Variants in PLCB1 observed in about 807,000 individuals in gnomAD.
The protein encoded by PLCB1 is phospholipase C beta 1, also known as 1-phosphatidylinositol 4,5-bisphosphate phosphodiesterase beta-1.
In PLCB1, 46 loss-of-function variants were observed where a neutral mutation model predicts 161.8. That is an observed-to-expected ratio of 0.28 (90% CI 0.22 to 0.36). The LOEUF (loss-of-function observed/expected upper bound fraction) is 0.36, where lower values mean the gene tolerates loss of function less well. PLCB1 is among the 10% of genes least tolerant of loss of function. The pLI is 1.00. For synonymous variants in PLCB1, 517 were observed against 503.7 expected, an observed-to-expected ratio of 1.03 and a Z score of -0.35; for missense variants, 1,016 against 1,472.5, an observed-to-expected ratio of 0.69 and a Z score of 5.07.
intron 3 of PLCB1, among the ~76,000 whole-genome samples, chr20:8,517,100 A>G (rs1984162776): frequency 6.6e-6 from 1 of 152,108 alleles, no homozygotes; most frequent in African/African-American, 2.4e-5. Flanking sequence ...TTCCACATAT[A>G]GAGATGACAT....
intron 3 of PLCB1, among the ~76,000 whole-genome samples, chr20:8,615,012 C>T (rs868502548): frequency 6.6e-6 from 1 of 152,040 alleles, no homozygotes; most frequent in Admixed American, 6.6e-5. Flanking sequence ...ATGATTCCAC[C>T]ATGTAGAAAT....
intron 3 of PLCB1, among the ~76,000 whole-genome samples, chr20:8,503,654 C>T (rs1292544787): frequency 6.6e-6 from 1 of 151,962 alleles, no homozygotes; most frequent in Non-Finnish European, 1.5e-5. Flanking sequence ...CAGTCTTCTA[C>T]AAATCTCTGA....
intron 31 of PLCB1, among the ~76,000 whole-genome samples, chr20:8,801,592 G>A (rs561302810): frequency 6.6e-6 from 1 of 152,326 alleles, no homozygotes; most frequent in African/African-American, 2.4e-5. Flanking sequence ...AATGCATGAT[G>A]TATGTAGAGG....
At chr20:8,825,967 TG>T (rs1024830379) in intron 31 of PLCB1, among the ~76,000 whole-genome samples, 8 of 152,154 alleles carry the variant, frequency 5.3e-5, no homozygotes, top group African/African-American at 1.9e-4. Flanking sequence ...GAGTGGATTT[TG>T]ACTCCCATTC....
intron 2 of PLCB1, among the ~76,000 whole-genome samples, chr20:8,263,465 C>T (rs572635312): frequency 7.2e-5 from 11 of 152,224 alleles, no homozygotes; most frequent in South Asian, 2.1e-4. Context: ...GAAATTTGAA[C>T]GCCTTCACTA....
intron 2 of PLCB1, among the ~76,000 whole-genome samples, chr20:8,323,916 C>A (rs1323606367): frequency 6.6e-6 from 1 of 151,158 alleles, no homozygotes; most frequent in East Asian, 1.9e-4. Context: ...TATAGTGATG[C>A]TTTTACTAAT....
Position 8,496,835 on chromosome 20 carries a change from T to C in PLCB1, c.246+125385T>C, listed in dbSNP as rs558696468. Among the ~76,000 whole-genome samples, 502 of 152,294 alleles carry C rather than the reference T, an allele frequency of 3.3e-3. 3 individuals are homozygous for C. Among genetic ancestry groups the C allele is most frequent in the Middle Eastern group, 0.01 (3 of 294 alleles). On this transcript the variant is annotated intron_variant, in intron 3 of 31. Coordinates refer to ENST00000338037, the MANE Select transcript of PLCB1 (RefSeq NM_015192.4). ...TGTATCTACTACCACACTCTCAAAC[T>C]CCTAATGATACTTTAAAATTAACCT...
intron 3 of PLCB1, among the ~76,000 whole-genome samples, chr20:8,610,271 A>C (rs183379553): frequency 2.0e-5 from 3 of 152,220 alleles, no homozygotes; most frequent in Non-Finnish European, 4.4e-5. Flanking sequence ...TTCACTTAGC[A>C]TAATGTTTTC....
chr20:8,333,820 T>C (rs1318269631), intron 2 of PLCB1, among the ~76,000 whole-genome samples: 2 of 152,226 alleles, frequency 1.3e-5, no homozygotes, highest in African/African-American at 2.4e-5. Context: ...TCTTACTTAC[T>C]GGATATATCA....
At chr20:8,475,744 T>C (rs998635546) in intron 3 of PLCB1, among the ~76,000 whole-genome samples, 3 of 152,198 alleles carry the variant, frequency 2.0e-5, no homozygotes, top group Admixed American at 2.0e-4. Context: ...GGAACAATGT[T>C]TGTATGAAGT....
At chr20:8,260,113 C>T (rs1360618796) in intron 2 of PLCB1, among the ~76,000 whole-genome samples, 1 of 149,540 alleles carries the variant, frequency 6.7e-6, no homozygotes, top group Non-Finnish European at 1.5e-5. Flanking sequence ...TTTTTTCAGA[C>T]AGTGTTGCCC....
At chr20:8,213,020 T>C (rs1291912669) in intron 2 of PLCB1, among the ~76,000 whole-genome samples, 4 of 152,122 alleles carry the variant, frequency 2.6e-5, no homozygotes, top group African/African-American at 7.2e-5. Flanking sequence ...GGCCACTTCA[T>C]TCAAGCCTCT....
At chr20:8,607,321 A>G (rs1190686748) in intron 3 of PLCB1, among the ~76,000 whole-genome samples, 1 of 152,230 alleles carries the variant, frequency 6.6e-6, no homozygotes. Context: ...TCTTCCAAAA[A>G]TATAAATTAA....
At chr20:8,203,747 G>A (rs905166767) in intron 2 of PLCB1, among the ~76,000 whole-genome samples, 16 of 152,116 alleles carry the variant, frequency 1.1e-4, no homozygotes, top group Admixed American at 1.0e-3. Flanking sequence ...GAAAATTAAA[G>A]GACAAATGTT....
At chr20:8,320,380 G>A (rs1984856893) in intron 2 of PLCB1, among the ~76,000 whole-genome samples, 2 of 152,302 alleles carry the variant, frequency 1.3e-5, no homozygotes, top group African/African-American at 2.4e-5. Flanking sequence ...TAGGAGGTAA[G>A]TATTAGGTAA....
At chr20:8,165,904 T>C (rs141527904) in intron 2 of PLCB1, among the ~76,000 whole-genome samples, 2 of 152,158 alleles carry the variant, frequency 1.3e-5, no homozygotes, top group Non-Finnish European at 2.9e-5. Flanking sequence ...TAGCACACTT[T>C]CATTTACAGC....
intron 2 of PLCB1, among the ~76,000 whole-genome samples, chr20:8,297,897 T>C (rs1384916844): frequency 6.6e-6 from 1 of 151,940 alleles, no homozygotes; most frequent in East Asian, 1.9e-4. Flanking sequence ...TTTGGGTTTT[T>C]TTTTTTTTTT....
intron 31 of PLCB1, among the ~76,000 whole-genome samples, chr20:8,814,785 C>T (rs989659456): frequency 6.6e-6 from 1 of 152,174 alleles, no homozygotes; most frequent in African/African-American, 2.4e-5. Flanking sequence ...ATCATGTGCA[C>T]TACTAATCTC....
intron 3 of PLCB1, among the ~76,000 whole-genome samples, chr20:8,565,101 T>C (rs1294768887): frequency 6.6e-6 from 1 of 152,146 alleles, no homozygotes; most frequent in African/African-American, 2.4e-5. Flanking sequence ...TGCCCATCAA[T>C]GATAGACTGG....
Sources: gnomAD v4.1 joint callset for allele counts (sites outside exome capture counted in the v4.1 genomes callset) on GRCh38, gnomAD v4.1.1 for gene constraint, MANE v1.5 for transcripts, NCBI Gene and HGNC (gene_info 2026-07-23, HGNC 2026-07-21) for gene names.